PSD3: variants seen among roughly 807,000 people sequenced by gnomAD.
PSD3 encodes the protein PH and SEC7 domain-containing protein 3.
Under a neutral mutation model 105.5 loss-of-function variants are expected in PSD3, and 49 were observed. The observed-to-expected ratio is 0.46, with a 90% CI of 0.37 to 0.59. The LOEUF is 0.59. Among genes scored for constraint, PSD3 ranks in the 20% least tolerant of loss-of-function variants. The pLI is 0.00. For missense variants in PSD3, 1,561 were observed against 1,263.8 expected, an observed-to-expected ratio of 1.24 and a Z score of -3.57; for synonymous variants, 557 against 457.8, an observed-to-expected ratio of 1.22 and a Z score of -2.77.
intron 11 of PSD3, among the ~76,000 whole-genome samples, chr8:18,605,909 C>A (rs1011186581): frequency 2.0e-5 from 3 of 152,090 alleles, no homozygotes; most frequent in Non-Finnish European, 4.4e-5. Flanking sequence ...TTCCTGAGGC[C>A]TTCCCAGACA....
chr8:18,756,431 T>C (rs1357969073), intron 9 of PSD3, among the ~76,000 whole-genome samples: 1 of 152,158 alleles, frequency 6.6e-6, no homozygotes, highest in Non-Finnish European at 1.5e-5. Context: ...TTTTCTTGGA[T>C]TTAAATCTGA....
intron 10 of PSD3, among the ~76,000 whole-genome samples, chr8:18,649,758 G>A (rs995446838): frequency 2.0e-5 from 3 of 152,212 alleles, no homozygotes; most frequent in African/African-American, 7.2e-5. Context: ...GATCATGGGG[G>A]AAGATTTCCC....
intron 10 of PSD3, among the ~76,000 whole-genome samples, chr8:18,642,836 T>C (rs1807751485): frequency 6.6e-6 from 1 of 152,204 alleles, no homozygotes; most frequent in African/African-American, 2.4e-5. Context: ...AAACAATGTA[T>C]TGTCATTTTT....
At chr8:18,994,224 A>G (rs74635102) in intron 1 of PSD3, among the ~76,000 whole-genome samples, 3,008 of 140,120 alleles carry the variant, frequency 0.021, 129 homozygotes, top group African/African-American at 0.077. Context: ...AGTCTCAGAC[A>G]TTTTCAATTT....
At chr8:19,081,016 AT>A (rs1829629194) in intron 1 of PSD3, among the ~76,000 whole-genome samples, 1 of 152,138 alleles carries the variant, frequency 6.6e-6, no homozygotes, top group Non-Finnish European at 1.5e-5. Flanking sequence ...TTATCCTCTT[AT>A]CTTTAGCCCC....
chr8:18,547,224 T>C (rs561522384), intron 15 of PSD3, among the ~76,000 whole-genome samples: 1 of 152,194 alleles, frequency 6.6e-6, no homozygotes, highest in African/African-American at 2.4e-5. Context: ...TAGCAGTGGA[T>C]CTGGTTTCAA....
intron 4 of PSD3, among the ~76,000 whole-genome samples, chr8:18,860,127 T>G (rs1816329808): frequency 6.6e-6 from 1 of 152,144 alleles, no homozygotes; most frequent in Non-Finnish European, 1.5e-5. Context: ...AATCTCAATA[T>G]TGTGTGTCTC....
chr8:18,659,669 C>G (rs1055392566), intron 9 of PSD3, among the ~76,000 whole-genome samples: 4 of 152,146 alleles, frequency 2.6e-5, no homozygotes, highest in African/African-American at 9.7e-5. Flanking sequence ...TGGTAATGTT[C>G]TATTCTTAAA....
At chr8:18,660,225 G>A (rs1263713546) in intron 9 of PSD3, among the ~76,000 whole-genome samples, 1 of 152,116 alleles carries the variant, frequency 6.6e-6, no homozygotes, top group Non-Finnish European at 1.5e-5. Context: ...AAGGCAACAT[G>A]AAGAGGAATA....
chr8:19,072,259 G>A (rs1221589903), intron 1 of PSD3, among the ~76,000 whole-genome samples: 4 of 151,648 alleles, frequency 2.6e-5, no homozygotes, highest in Non-Finnish European at 5.9e-5. Context: ...CCGCCACCAC[G>A]CCCAGCTAAC....
intron 4 of PSD3, among the ~76,000 whole-genome samples, chr8:18,839,952 T>G (rs1016343957): frequency 1.3e-5 from 2 of 152,108 alleles, no homozygotes; most frequent in African/African-American, 2.4e-5. Context: ...GTGCCACCCT[T>G]CCATAAAAAC....
At chr8:18,956,516 G>T (rs142523495) in intron 1 of PSD3, among the ~76,000 whole-genome samples, 163 of 152,248 alleles carry the variant, frequency 1.1e-3, no homozygotes, top group Middle Eastern at 6.8e-3. Flanking sequence ...TATTTAGTTG[G>T]TAGTCAATTT....
intron 1 of PSD3, among the ~76,000 whole-genome samples, chr8:18,962,994 T>C (rs1202547742): frequency 2.0e-5 from 3 of 152,188 alleles, no homozygotes; most frequent in Admixed American, 2.0e-4. Context: ...TACCTGAGAC[T>C]GGGGATAAAA....
chr8:18,634,092 G>A (rs1807086597), intron 10 of PSD3, among the ~76,000 whole-genome samples: 2 of 151,908 alleles, frequency 1.3e-5, no homozygotes, highest in African/African-American at 4.8e-5. Flanking sequence ...CATGTCCTTT[G>A]CCCACTTTTT....
chr8:18,868,758 G>C (rs1817128842), intron 3 of PSD3, among the ~76,000 whole-genome samples: 1 of 152,152 alleles, frequency 6.6e-6, no homozygotes, highest in South Asian at 2.1e-4. Flanking sequence ...TATGCAGCAT[G>C]TTCTACAAAT....
chr8:18,666,634 T>C (rs1799476851), intron 9 of PSD3, among the ~76,000 whole-genome samples: 1 of 151,662 alleles, frequency 6.6e-6, no homozygotes, highest in African/African-American at 2.4e-5. Context: ...TCCGGGGGTT[T>C]GGAGAAAGCT....
At chr8:18,566,264 C>T (rs1801740568) in intron 14 of PSD3, among the ~76,000 whole-genome samples, 1 of 152,116 alleles carries the variant, frequency 6.6e-6, no homozygotes, top group South Asian at 2.1e-4. Context: ...GTGGCTCACG[C>T]CTGTAATTCC....
At chr8:18,844,635 T>C (rs1265869240) in intron 4 of PSD3, among the ~76,000 whole-genome samples, 1 of 152,220 alleles carries the variant, frequency 6.6e-6, no homozygotes, top group African/African-American at 2.4e-5. Context: ...TGGATTTGTT[T>C]TCATTTCCAA....
intron 1 of PSD3, among the ~76,000 whole-genome samples, chr8:19,060,398 T>G (rs1051829646): frequency 3.9e-5 from 6 of 152,224 alleles, no homozygotes; most frequent in African/African-American, 1.4e-4. Flanking sequence ...CAGAGGTCTA[T>G]AGATCTTATA....
Sources: gnomAD v4.1 joint callset for allele counts (sites outside exome capture counted in the v4.1 genomes callset) on GRCh38, gnomAD v4.1.1 for gene constraint, MANE v1.5 for transcripts, NCBI Gene and HGNC (gene_info 2026-07-23, HGNC 2026-07-21) for gene names.